Variants in MALT1 observed in about 807,000 individuals in gnomAD.
The protein encoded by MALT1 is mucosa-associated lymphoid tissue lymphoma translocation protein 1.
MALT1 carries 36 observed loss-of-function variants against 85.5 expected under a neutral mutation model. That is an observed-to-expected ratio of 0.42 (90% CI 0.32 to 0.56). The LOEUF is 0.56. MALT1 is among the 20% of genes least tolerant of loss of function. MALT1 has a pLI of 0.10. For synonymous variants in MALT1, 359 were observed against 361.3 expected (o/e 0.99, Z 0.07); for missense variants, 716 against 981.6 (o/e 0.73, Z 3.62).
chr18:58,747,841 G>T lies in MALT1; in HGVS notation c.2474G>T (p.Ter825LeuextTer5). 3 of 1,610,172 alleles carry T rather than the reference G, an allele frequency of 1.9e-6. No individual in the cohort carries two copies. The highest frequency in any genetic ancestry group is 1.7e-4 in the Middle Eastern group (1 of 6,040). ...FSDRLRISEK[*>L] ...GACAGGCTCAGAATTTCTGAAAAAT[G>T]ACCTCCTTGTTTTTGAAAGTTAGCA... Residue 825 changes from the stop codon to leucine, a stop_lost, in exon 17 of 17, where the codon TGA (stop) becomes TTA (leucine). Coordinates refer to ENST00000649217, the MANE Select transcript of MALT1 (RefSeq NM_006785.4).
At chr18:58,709,924 C>T in intron 5 of MALT1, 52 bp from the exon 6 acceptor site, 4 of 1,163,184 alleles carry the variant, frequency 3.4e-6, no homozygotes, top group East Asian at 2.4e-5. Flanking sequence ...ATTTTTTCTC[C>T]AAGCCATTAA....
At chr18:58,720,265 A>G (rs892752237) in intron 9 of MALT1, among the ~76,000 whole-genome samples, 1 of 152,176 alleles carries the variant, frequency 6.6e-6, no homozygotes, top group Non-Finnish European at 1.5e-5. Flanking sequence ...GCCGTCTTGA[A>G]GTTTTCTTTA....
At chr18:58,728,411 CT>C (rs34138201) in intron 10 of MALT1, among the ~76,000 whole-genome samples, 62,707 of 151,574 alleles carry the variant, frequency 0.41, 13,679 homozygotes, top group African/African-American at 0.56. Flanking sequence ...TGAGACCAGC[CT>C]TGGACAATAT....
At chr18:58,739,519 A>G (rs1004825164) in intron 13 of MALT1, among the ~76,000 whole-genome samples, 2 of 152,186 alleles carry the variant, frequency 1.3e-5, no homozygotes, top group African/African-American at 2.4e-5. Context: ...GATGGATCCA[A>G]CATTATTCTG....
intron 5 of MALT1, 90 bp from the exon 6 acceptor site, chr18:58,709,886 T>G: frequency 1.2e-6 from 1 of 840,572 alleles, no homozygotes; most frequent in Non-Finnish European, 2.0e-6. Flanking sequence ...ATGTTATGTT[T>G]TGGAGCGTAT....
At chr18:58,710,145 A>G in intron 6 of MALT1, 73 bp downstream of exon 6, 1 of 852,984 alleles carries the variant, frequency 1.2e-6, no homozygotes, top group Non-Finnish European at 1.9e-6. Context: ...CGTTTAATTA[A>G]GCAAAGGAAA....
At position 58,745,664 on chromosome 18, in the gene MALT1, A is replaced by T; in HGVS notation, c.1912-2A>T. ...AACAGTCCCTAATTTTTTTTTTTAC[A>T]GGATCTAGATATTGATCCAAAAGAT... On this transcript the variant is annotated splice_acceptor_variant, in intron 15 of 16. Coordinates refer to ENST00000649217, the MANE Select transcript of MALT1 (RefSeq NM_006785.4). LOFTEE classifies it high-confidence loss of function. The T allele has an allele frequency of 6.2e-7, 1 of 1,601,484 alleles. No individual in the cohort carries two copies. Among genetic ancestry groups the T allele is most frequent in the Admixed American group, 1.8e-5 (1 of 56,886 alleles).
At chr18:58,724,710 A>G (rs1453248359) in intron 10 of MALT1, among the ~76,000 whole-genome samples, 1 of 152,208 alleles carries the variant, frequency 6.6e-6, no homozygotes, top group Non-Finnish European at 1.5e-5. Context: ...TATAATATGT[A>G]TATGAAACAT....
At chr18:58,731,606 A>G (rs1264617922) in intron 10 of MALT1, among the ~76,000 whole-genome samples, 1 of 152,138 alleles carries the variant, frequency 6.6e-6, no homozygotes, top group Non-Finnish European at 1.5e-5. Context: ...TGCCTTTGCA[A>G]ATTTCTAGCC....
chr18:58,695,670 C>T (rs2054576075), intron 2 of MALT1, among the ~76,000 whole-genome samples: 1 of 152,122 alleles, frequency 6.6e-6, no homozygotes, highest in Non-Finnish European at 1.5e-5. Context: ...GTTTTGGAGC[C>T]TGGGAAGTCC....
intron 4 of MALT1, among the ~76,000 whole-genome samples, chr18:58,703,600 A>G (rs1330530129): frequency 6.6e-6 from 1 of 152,104 alleles, no homozygotes; most frequent in East Asian, 1.9e-4. Flanking sequence ...GAGAGCAAAC[A>G]GGGGAAATGC....
At chr18:58,704,649 G>A (rs1266341168) in intron 4 of MALT1, among the ~76,000 whole-genome samples, 1 of 152,136 alleles carries the variant, frequency 6.6e-6, no homozygotes, top group African/African-American at 2.4e-5. Flanking sequence ...GTAGAGATGG[G>A]ATTTCATCAT....
intron 2 of MALT1, chr18:58,690,564 C>A: frequency 6.2e-6 from 1 of 160,232 alleles, no homozygotes; most frequent in South Asian, 1.8e-4. Context: ...CCCGGGCTGC[C>A]ACCGCTGATC....
At chr18:58,709,694 ATG>A in intron 5 of MALT1, 138 bp downstream of exon 5, 1 of 760,408 alleles carries the variant, frequency 1.3e-6, no homozygotes, top group Non-Finnish European at 2.0e-6. Flanking sequence ...AAAGTCCCTT[ATG>A]ATTTCATATT....
Position 58,671,525 on chromosome 18 carries a change from C to CA in MALT1, c.-118dup. 1 of 580,868 alleles carries CA rather than the reference C, an allele frequency of 1.7e-6. No homozygotes were observed. The highest frequency in any genetic ancestry group is 1.9e-5 in the African/African-American group (1 of 51,432). 36.0% of individuals were successfully genotyped at this position (580,868 alleles called of 1,614,324 possible). On this transcript the variant is annotated 5_prime_UTR_variant, in exon 1 of 17. Transcript: ENST00000649217. ...TCCTCTGAGGGCCGTGCCGCGCTGCCAGATTTGTTCTTCCGCCCCTGCCTC... is the reference window on the plus strand; with the variant it reads ...TCCTCTGAGGGCCGTGCCGCGCTGCCAAGATTTGTTCTTCCGCCCCTGCCTC...
intron 2 of MALT1, chr18:58,690,488 C>A: frequency 1.2e-5 from 2 of 173,134 alleles, no homozygotes; most frequent in South Asian, 3.2e-4. Context: ...GCCTCCTCCC[C>A]TGGATGGAGT....
chr18:58,734,157 A>G (rs1008374298), intron 11 of MALT1, 150 bp from the exon 12 acceptor site: 3 of 1,173,414 alleles, frequency 2.6e-6, no homozygotes, highest in South Asian at 1.9e-5. Flanking sequence ...TTGGGTAGAT[A>G]TGTAGCTACC....
rs1312054397 is a variant in MALT1 at position 58,752,039 on chromosome 18, C to T, written c.*4197C>T. The T allele has an allele frequency of 6.6e-6, 1 of 152,210 alleles. No individual in the cohort carries two copies. The highest frequency in any genetic ancestry group is 1.5e-5 in the Non-Finnish European group (1 of 68,046). 9.4% of individuals were successfully genotyped at this position (152,210 alleles called of 1,614,324 possible). ...CCTCTTTTCAAATCTCTGACTTGCA[C>T]ATGAAGTAACAGTGAGGTGTCCTGT... On this transcript the variant is annotated 3_prime_UTR_variant, in exon 17 of 17. Coordinates refer to ENST00000649217, the MANE Select transcript of MALT1 (RefSeq NM_006785.4).
At chr18:58,723,328 AT>A in intron 10 of MALT1, 77 bp downstream of exon 10, 1 of 1,056,608 alleles carries the variant, frequency 9.5e-7, no homozygotes, top group Non-Finnish European at 1.4e-6. Flanking sequence ...AGAATTGAAA[AT>A]CAGATAAAGA....
Sources: allele counts gnomAD v4.1 joint callset (sites outside exome capture counted in the v4.1 genomes callset), GRCh38; gene constraint gnomAD v4.1.1; transcripts MANE v1.5; gene names NCBI Gene and HGNC (gene_info 2026-07-23, HGNC 2026-07-21).